MAP4: variants seen among roughly 807,000 people sequenced by gnomAD.
MAP4 encodes the protein microtubule-associated protein 4.
Under a neutral mutation model 170.2 loss-of-function variants are expected in MAP4, and 76 were observed. That is an observed-to-expected ratio of 0.45 (90% CI 0.37 to 0.54). The LOEUF (loss-of-function observed/expected upper bound fraction) is 0.54. MAP4 is among the 20% of genes least tolerant of loss of function. The pLI is 0.00. For synonymous variants in MAP4, 909 were observed against 994.5 expected, an observed-to-expected ratio of 0.91 and a Z score of 1.62; for missense variants, 2,506 against 2,748.0, an observed-to-expected ratio of 0.91 and a Z score of 1.97.
chr3:48,063,092 T>C (rs1375935517), intron 1 of MAP4, among the ~76,000 whole-genome samples: 3 of 151,304 alleles, frequency 2.0e-5, no homozygotes, highest in Admixed American at 6.6e-5. Context: ...ACAATAATTC[T>C]GACAACCGTG....
intron 1 of MAP4, among the ~76,000 whole-genome samples, chr3:48,058,438 C>T (rs1449895112): frequency 1.3e-5 from 2 of 152,124 alleles, no homozygotes; most frequent in Non-Finnish European, 2.9e-5. Context: ...TGTTTTAAGC[C>T]AAAAATCTTA....
intron 10 of MAP4, among the ~76,000 whole-genome samples, chr3:47,895,963 G>C (rs1467203749): frequency 6.6e-6 from 1 of 152,118 alleles, no homozygotes; most frequent in Non-Finnish European, 1.5e-5. Flanking sequence ...TGGCTTCATA[G>C]TTACAAGGCT....
At chr3:48,035,922 A>T (rs2100118547) in intron 1 of MAP4, among the ~76,000 whole-genome samples, 1 of 152,184 alleles carries the variant, frequency 6.6e-6, no homozygotes, top group Non-Finnish European at 1.5e-5. Flanking sequence ...CCTGGGCGAC[A>T]GAGCGAGACT....
At chr3:47,939,068 G>GC (rs2100054751) in intron 3 of MAP4, among the ~76,000 whole-genome samples, 1 of 152,122 alleles carries the variant, frequency 6.6e-6, no homozygotes, top group Non-Finnish European at 1.5e-5. Context: ...GCTCCACTCT[G>GC]CCCCTGTGCC....
chr3:47,873,711 G>A (rs2094288385), intron 12 of MAP4, among the ~76,000 whole-genome samples: 1 of 152,190 alleles, frequency 6.6e-6, no homozygotes, highest in Non-Finnish European at 1.5e-5. Flanking sequence ...AAAATTTGAG[G>A]ACTAAACCAG....
chr3:47,989,883 C>G (rs190681176), intron 2 of MAP4, among the ~76,000 whole-genome samples: 4 of 152,108 alleles, frequency 2.6e-5, no homozygotes, highest in Admixed American at 6.5e-5. Context: ...GAAATACACA[C>G]AGCATCGAAA....
At chr3:47,957,721 G>T (rs1020227205) in intron 3 of MAP4, among the ~76,000 whole-genome samples, 1 of 152,134 alleles carries the variant, frequency 6.6e-6, no homozygotes, top group Non-Finnish European at 1.5e-5. Flanking sequence ...CACACAGAAT[G>T]GTTGGCCTAA....
At chr3:48,061,223 C>A (rs949916054) in intron 1 of MAP4, among the ~76,000 whole-genome samples, 1 of 150,750 alleles carries the variant, frequency 6.6e-6, no homozygotes, top group Non-Finnish European at 1.5e-5. Context: ...TCTCTTTCCA[C>A]GGTCTCCCTC....
intron 6 of MAP4, 77 bp from the exon 7 acceptor site, chr3:47,917,251 G>C: frequency 8.0e-7 from 1 of 1,248,174 alleles, no homozygotes; most frequent in Non-Finnish European, 1.1e-6. Flanking sequence ...TCAGGCATGA[G>C]AGTATTTGGC....
At chr3:47,890,229 A>G (rs2098327094) in intron 10 of MAP4, among the ~76,000 whole-genome samples, 1 of 152,030 alleles carries the variant, frequency 6.6e-6, no homozygotes. Context: ...GGGATGGGAG[A>G]TGGGGAAGAA....
chr3:48,038,945 T>A (rs1032977623), intron 1 of MAP4, among the ~76,000 whole-genome samples: 1 of 151,738 alleles, frequency 6.6e-6, no homozygotes, highest in Non-Finnish European at 1.5e-5. Context: ...CTACAAAAAA[T>A]ACAAAAATTA....
intron 4 of MAP4, among the ~76,000 whole-genome samples, chr3:47,924,057 ATG>A (rs1191832042): frequency 6.6e-6 from 1 of 152,200 alleles, no homozygotes; most frequent in Non-Finnish European, 1.5e-5. Flanking sequence ...GTAAAAATAG[ATG>A]ATTCTTACAG....
At chr3:48,025,547 C>T (rs930372824) in intron 1 of MAP4, among the ~76,000 whole-genome samples, 1 of 151,868 alleles carries the variant, frequency 6.6e-6, no homozygotes, top group Admixed American at 6.6e-5. Context: ...CCTCAGCCTC[C>T]CAAAGTGCTG....
intron 1 of MAP4, among the ~76,000 whole-genome samples, chr3:48,069,010 T>C (rs1361915015): frequency 5.3e-5 from 8 of 152,228 alleles, no homozygotes; most frequent in African/African-American, 1.2e-4. Context: ...CTAGAAGGTA[T>C]ATAAATATCC....
intron 1 of MAP4, among the ~76,000 whole-genome samples, chr3:48,021,520 G>A (rs2100110559): frequency 6.6e-6 from 1 of 152,038 alleles, no homozygotes; most frequent in South Asian, 2.1e-4. Context: ...GCTAATTTTT[G>A]TATTTTTAGT....
chr3:47,870,916 CGG>C lies in MAP4; in HGVS notation c.6189_6190del (p.Arg2064AlafsTer12). On this transcript the variant is annotated frameshift_variant, in exon 15 of 21. Transcript: ENST00000683076. LOFTEE classifies it high-confidence loss of function. ...AGTATTGGTGGCCAGGCGGCTGAGC[CGG>C]GGGGTGGTGGAGCTGGGTTTGGCCG... 6.2e-7 allele frequency: 1 copy of C among 1,613,894 alleles called. No homozygotes were observed.
chr3:47,894,739 G>T (rs1212802473), intron 10 of MAP4, among the ~76,000 whole-genome samples: 1 of 151,644 alleles, frequency 6.6e-6, no homozygotes, highest in Non-Finnish European at 1.5e-5. Flanking sequence ...TGAAAGTCTG[G>T]AGATGGCTGG....
At chr3:48,056,632 C>T (rs867186373) in intron 1 of MAP4, among the ~76,000 whole-genome samples, 513 of 121,812 alleles carry the variant, frequency 4.2e-3, no homozygotes, top group African/African-American at 0.019. Flanking sequence ...GTCAGCCCCC[C>T]GCCCGGCCAG....
intron 10 of MAP4, among the ~76,000 whole-genome samples, chr3:47,897,633 T>C (rs2100027615): frequency 6.6e-6 from 1 of 152,132 alleles, no homozygotes; most frequent in South Asian, 2.1e-4. Context: ...GTTTACTTTA[T>C]ATCTTAAGAA....
Sources: gnomAD v4.1 joint callset for allele counts (sites outside exome capture counted in the v4.1 genomes callset) on GRCh38, gnomAD v4.1.1 for gene constraint, MANE v1.5 for transcripts, NCBI Gene and HGNC (gene_info 2026-07-23, HGNC 2026-07-21) for gene names.